Variants in PIEZO2 observed in about 807,000 individuals in gnomAD.
PIEZO2 encodes piezo-type mechanosensitive ion channel component 2.
A neutral mutation model predicts 337.3 loss-of-function variants in PIEZO2; 172 were observed. That is an observed-to-expected ratio of 0.51 (90% CI 0.45 to 0.58). The LOEUF is 0.58. Ranked by LOEUF, PIEZO2 falls within the 20% of genes least tolerant of loss-of-function variation. PIEZO2 has a pLI of 0.00. For missense variants in PIEZO2, 3,028 were observed against 3,391.3 expected, an observed-to-expected ratio of 0.89 and a Z score of 2.66; for synonymous variants, 1,251 against 1,228.5, an observed-to-expected ratio of 1.02 and a Z score of -0.38.
intron 4 of PIEZO2, among the ~76,000 whole-genome samples, chr18:10,892,866 T>G (rs2042795903): frequency 6.6e-6 from 1 of 152,244 alleles, no homozygotes; most frequent in Non-Finnish European, 1.5e-5. Flanking sequence ...TCTGTAAATA[T>G]GTAGCTGTTG....
At position 10,677,990 on chromosome 18, in the gene PIEZO2, A is replaced by G; in HGVS notation, c.7953-115T>C. 1 of 1,023,712 alleles carries G rather than the reference A, an allele frequency of 9.8e-7. No individual in the cohort carries two copies. The allele number at this position is 1,023,712 out of a possible 1,614,324, so 63.4% of individuals were successfully genotyped here. A position where few individuals can be genotyped will look rare whatever the true frequency, so the allele number is the denominator to read the frequency against. The stretch of plus-strand genomic sequence containing the variant: ...ATGTCACCACGTTTTCATTGGGTCC[A>G]CAACGGTCAATCCTGACCCTTTCAG... On this transcript the variant is annotated intron_variant, in intron 52 of 55. Coordinates refer to ENST00000674853, the MANE Select transcript of PIEZO2 (RefSeq NM_001378183.1). This position sits in a 1 kb window ranked among gnomAD's most constrained non-coding sequence, Gnocchi z 4.1.
rs1480563620 is a variant in PIEZO2, at chr18:11,048,032, A to C, written c.160+18095T>G. On this transcript the variant is annotated intron_variant, in intron 2 of 55. Coordinates refer to ENST00000674853, the MANE Select transcript of PIEZO2 (RefSeq NM_001378183.1). The surrounding 1 kb of genome is among the most constrained non-coding windows in gnomAD (Gnocchi z 4.5). ...GGTCTGCAGCTCTGAAAGTGGTTCC[A>C]GGCCAACCCACCCAGTGACACCTGC... Among the ~76,000 whole-genome samples, 1 of 152,156 alleles carries C rather than the reference A, an allele frequency of 6.6e-6. No individual in the cohort carries two copies. The highest frequency in any genetic ancestry group is 1.5e-5 in the Non-Finnish European group (1 of 68,018).
chr18:10,723,247 G>A (rs746236558), intron 36 of PIEZO2, among the ~76,000 whole-genome samples: 5 of 152,108 alleles, frequency 3.3e-5, no homozygotes, highest in South Asian at 2.1e-4. Context: ...GATTACAGGC[G>A]TGAGCCACCG....
At position 10,856,074 on chromosome 18, in the gene PIEZO2, ATTTTT is replaced by A. The variant is rs1283722915; in HGVS notation, c.704-513_704-509del. ...ATTTTGTTTTGTTTTATTTTATTTT[ATTTTT>A]TGTAGGGATGGGGTTTTGCCAAGTA... On this transcript the variant is annotated intron_variant, in intron 6 of 55. Transcript: ENST00000674853. The surrounding 1 kb of genome is among the most constrained non-coding windows in gnomAD (Gnocchi z 4.7). Among the ~76,000 whole-genome samples, 1 of 149,352 alleles carries A rather than the reference ATTTTT, an allele frequency of 6.7e-6. No homozygotes were observed. Among genetic ancestry groups the A allele is most frequent in the African/African-American group, 2.5e-5 (1 of 40,284 alleles).
intron 21 of PIEZO2, among the ~76,000 whole-genome samples, chr18:10,765,890 G>C (rs1022872725): frequency 1.3e-5 from 2 of 152,086 alleles, no homozygotes; most frequent in Non-Finnish European, 2.9e-5. Flanking sequence ...GAAACTGTGG[G>C]GAGGGGCCGG....
At chr18:10,708,600 T>C (rs4796902) in intron 39 of PIEZO2, among the ~76,000 whole-genome samples, 161 bp from the exon 40 acceptor site, 46,043 of 151,924 alleles carry the variant, frequency 0.3, 7,195 homozygotes, top group East Asian at 0.4. Context: ...GGGATGGGGA[T>C]GGACCTGTGT....
chr18:10,958,352 GGGGGAAGTTGAGGAGAGGGTAAAGGGA>G (rs1216111616), intron 3 of PIEZO2, among the ~76,000 whole-genome samples: 3 of 152,076 alleles, frequency 2.0e-5, no homozygotes, highest in African/African-American at 7.2e-5. Context: ...CTGGGGTAAA[GGGGGAAGTTGAGGAGAGGGTAAAGGGA>G]GGGGAAGTTG....
At chr18:10,912,420 A>G (rs543503379) in intron 3 of PIEZO2, among the ~76,000 whole-genome samples, 44 of 152,308 alleles carry the variant, frequency 2.9e-4, no homozygotes, top group Middle Eastern at 3.4e-3. Flanking sequence ...CTAGCCCTAA[A>G]TTCATAAATT....
In PIEZO2 at chr18:11,090,869, G is replaced by A. The variant is rs1297095183; in HGVS notation, c.65-24647C>T. 1.8e-4 allele frequency among the ~76,000 whole-genome samples: 27 copies of A among 148,266 alleles called. 1 individual carries two copies. In the East Asian group the frequency reaches 2.6e-3, roughly 14 times the overall value. On this transcript the variant is annotated intron_variant, in intron 1 of 55. Transcript: ENST00000674853. ...GCAAAGCTTGCAGTGAGCCGAGATC[G>A]CGCCACTGCACTCCAGCCTGGGCGA... is the stretch of plus-strand genomic sequence containing the variant.
At chr18:11,140,772 T>C (rs2040621464) in intron 1 of PIEZO2, among the ~76,000 whole-genome samples, 1 of 152,350 alleles carries the variant, frequency 6.6e-6, no homozygotes, top group Admixed American at 6.5e-5. Context: ...GAGCACATTA[T>C]CCACCAAAAT....
rs537826977 is a variant in PIEZO2, at chr18:11,101,712, G to A, written c.65-35490C>T. ...GAGAATTTCCTAAAGCATTTAAGTC[G>A]AGATGGTCATTTTTCTCTTAGGTTA... On this transcript the variant is annotated intron_variant, in intron 1 of 55. Coordinates refer to ENST00000674853, the MANE Select transcript of PIEZO2 (RefSeq NM_001378183.1). This position sits in a 1 kb window ranked among gnomAD's most constrained non-coding sequence, Gnocchi z 4.4. 1.1e-4 allele frequency among the ~76,000 whole-genome samples: 16 copies of A among 152,256 alleles called. No homozygotes were observed. The highest frequency in any genetic ancestry group is 5.9e-4 in the Admixed American group (9 of 15,302).
rs117886554 is a variant in PIEZO2, at chr18:10,827,660, C to T, written c.918-20386G>A. The stretch of plus-strand genomic sequence containing the variant: ...AACTGCCAGATGGTATTGCATCAAC[C>T]ACCTCAAGAAAAGGGCATGAACCAT... On this transcript the variant is annotated intron_variant, in intron 7 of 55. Coordinates refer to ENST00000674853, the MANE Select transcript of PIEZO2 (RefSeq NM_001378183.1). Among the ~76,000 whole-genome samples the T allele has an allele frequency of 3.2e-3, 489 of 152,282 alleles. 4 individuals carry two copies. Among genetic ancestry groups the T allele is most frequent in the Non-Finnish European group, 5.2e-3 (351 of 68,020 alleles).
chr18:11,001,708 T>C lies in PIEZO2; in HGVS notation c.161-22048A>G, dbSNP rs1012355632. ...ACCTGGCTAACATGGTAAAACCCTG[T>C]CTCTGCTAAAAATACAAAAATGGGC... On this transcript the variant is annotated intron_variant, in intron 2 of 55. Coordinates refer to ENST00000674853, the MANE Select transcript of PIEZO2 (RefSeq NM_001378183.1). This position sits in a 1 kb window ranked among gnomAD's most constrained non-coding sequence, Gnocchi z 5.3. Among the ~76,000 whole-genome samples the C allele has an allele frequency of 6.6e-6, 1 of 151,866 alleles. No homozygotes were observed. The highest frequency in any genetic ancestry group is 6.6e-5 in the Admixed American group (1 of 15,232).
chr18:10,961,521 A>C (rs1785685542), intron 3 of PIEZO2, among the ~76,000 whole-genome samples: 1 of 152,194 alleles, frequency 6.6e-6, no homozygotes, highest in African/African-American at 2.4e-5. Context: ...TAACTTACTC[A>C]TGTAGCCAAA....
intron 2 of PIEZO2, among the ~76,000 whole-genome samples, chr18:11,049,457 A>G (rs542899016): frequency 3.3e-5 from 5 of 152,350 alleles, no homozygotes; most frequent in African/African-American, 1.2e-4. Context: ...AAAGAATGGT[A>G]ACTTGAAGAG....
intron 1 of PIEZO2, among the ~76,000 whole-genome samples, chr18:11,073,556 GC>G (rs1208058634): frequency 6.6e-6 from 1 of 152,058 alleles, no homozygotes; most frequent in Non-Finnish European, 1.5e-5. Flanking sequence ...CCTGGATGCA[GC>G]AATAGATAAC....
chr18:10,913,865 T>C (rs1412854138), intron 3 of PIEZO2, among the ~76,000 whole-genome samples: 1 of 152,092 alleles, frequency 6.6e-6, no homozygotes, highest in Non-Finnish European at 1.5e-5. Flanking sequence ...CACAGGCTCA[T>C]CATTTTTTGC....
At position 10,982,335 on chromosome 18, in the gene PIEZO2, A is replaced by G. The variant is rs1022046372; in HGVS notation, c.161-2675T>C. Among the ~76,000 whole-genome samples the G allele has an allele frequency of 5.3e-5, 8 of 152,166 alleles. 1 individual carries two copies. ...TAAAAGTATTTAAGAATTAACCTAA[A>G]AAAGAATGCTTAAGACCGTTCTTGA... is the stretch of plus-strand genomic sequence containing the variant. On this transcript the variant is annotated intron_variant, in intron 2 of 55. Coordinates refer to ENST00000674853, the MANE Select transcript of PIEZO2 (RefSeq NM_001378183.1). This position sits in a 1 kb window ranked among gnomAD's most constrained non-coding sequence, Gnocchi z 4.1.
rs1182731744 is a variant in PIEZO2, at chr18:11,080,285, ATCTAAGG to A, written c.65-14070_65-14064del. On this transcript the variant is annotated intron_variant, in intron 1 of 55. Coordinates refer to ENST00000674853, the MANE Select transcript of PIEZO2 (RefSeq NM_001378183.1). This position sits in a 1 kb window ranked among gnomAD's most constrained non-coding sequence, Gnocchi z 5.4. ...TTTTGTATTTACAAAATAAAATTAA[ATCTAAGG>A]AAAAAGTTGTCTCTTCCACCTCAGA... 1.3e-5 allele frequency among the ~76,000 whole-genome samples: 2 copies of A among 152,224 alleles called. No homozygotes were observed. Among genetic ancestry groups the A allele is most frequent in the Non-Finnish European group, 2.9e-5 (2 of 68,026 alleles).
Sources: allele counts gnomAD v4.1 joint callset (sites outside exome capture counted in the v4.1 genomes callset), GRCh38; gene constraint gnomAD v4.1.1; non-coding constraint Gnocchi (gnomAD v3.1); transcripts MANE v1.5; gene names NCBI Gene and HGNC (gene_info 2026-07-23, HGNC 2026-07-21).